Variants in SHC4 observed in about 807,000 individuals in gnomAD.
SHC4 encodes the protein SHC-transforming protein 4.
A neutral mutation model predicts 69.4 loss-of-function variants in SHC4; 41 were observed. That is an observed-to-expected ratio of 0.59 (90% CI 0.46 to 0.77). The LOEUF is 0.77. Among genes scored for constraint, SHC4 ranks in the 30% least tolerant of loss-of-function variants. The pLI, the probability that SHC4 is intolerant of heterozygous loss-of-function variation, is 0.00. For missense variants in SHC4, 777 were observed against 783.8 expected, an observed-to-expected ratio of 0.99 and a Z score of 0.10; for synonymous variants, 318 against 299.3, an observed-to-expected ratio of 1.06 and a Z score of -0.64.
intron 4 of SHC4, among the ~76,000 whole-genome samples, chr15:48,884,017 C>T (rs1456573760): frequency 6.6e-6 from 1 of 152,208 alleles, no homozygotes; most frequent in Non-Finnish European, 1.5e-5. Flanking sequence ...CTTAGTTCTT[C>T]ATTCAAAGCC....
At chr15:48,955,203 A>C (rs564007965) in intron 1 of SHC4, among the ~76,000 whole-genome samples, 1 of 152,286 alleles carries the variant, frequency 6.6e-6, no homozygotes, top group East Asian at 1.9e-4. Flanking sequence ...TTTCCCACAT[A>C]TTCTGAAGGG....
intron 10 of SHC4, among the ~76,000 whole-genome samples, chr15:48,835,976 G>A (rs926673595): frequency 6.0e-5 from 8 of 133,216 alleles, no homozygotes; most frequent in Non-Finnish European, 1.2e-4. Context: ...TCAGGAGTTC[G>A]AGACCAGCCT....
intron 4 of SHC4, chr15:48,878,639 C>A: frequency 6.2e-7 from 1 of 1,614,034 alleles, no homozygotes; most frequent in Non-Finnish European, 8.5e-7. Context: ...TGAGAAGACC[C>A]CGTTTGATCA....
At chr15:48,887,126 T>C (rs1421227308) in intron 3 of SHC4, among the ~76,000 whole-genome samples, 1 of 152,218 alleles carries the variant, frequency 6.6e-6, no homozygotes, top group African/African-American at 2.4e-5. Flanking sequence ...GGAGATCACA[T>C]AAATGAATAA....
chr15:48,844,840 C>T (rs1438675598), intron 9 of SHC4, among the ~76,000 whole-genome samples: 1 of 152,148 alleles, frequency 6.6e-6, no homozygotes, highest in Non-Finnish European at 1.5e-5. Context: ...TGTGCCTTTG[C>T]TTCTCCTTTG....
chr15:48,961,183 C>G (rs1386168709), intron 1 of SHC4, among the ~76,000 whole-genome samples: 4 of 152,172 alleles, frequency 2.6e-5, no homozygotes, highest in African/African-American at 7.2e-5. Flanking sequence ...TAATTTTTCC[C>G]TGCTTCAATC....
intron 10 of SHC4, among the ~76,000 whole-genome samples, chr15:48,836,929 C>A (rs1421123064): frequency 6.6e-6 from 1 of 152,170 alleles, no homozygotes; most frequent in East Asian, 1.9e-4. Context: ...CCAGAAATAG[C>A]CTGACAAAAT....
chr15:48,962,374 G>A, intron 1 of SHC4, 57 bp downstream of exon 1: 1 of 1,491,976 alleles, frequency 6.7e-7, no homozygotes, highest in East Asian at 2.3e-5. Context: ...GCAGAAAGCA[G>A]AGAAGATGCC....
chr15:48,962,470 T>C lies in SHC4; in HGVS notation c.546A>G (p.Leu182=). 1 of 1,531,652 alleles carries C rather than the reference T, an allele frequency of 6.5e-7. No individual in the cohort carries two copies. The allele number at this position is 1,531,652 out of a possible 1,614,324, so 94.9% of individuals were successfully genotyped here. A position where few individuals can be genotyped will look rare whatever the true frequency, so the allele number is the denominator to read the frequency against. ...TCATGCCCATCCCCAACAGGTGCTG[T>C]AGAAAGTGCCTGTCCTGCCTGCTCC... ...TLRSRQDRHF[L]QHLLGMGMNY... Residue 182 remains leucine (L), a synonymous_variant, in exon 1 of 12, where the codon CTA becomes CTG. Transcript: ENST00000332408.
chr15:48,876,670 G>T lies in SHC4; in HGVS notation c.841-4528C>A, dbSNP rs1247609727. ...AGGGCAGGAAGCATCCAACACAGGA[G>T]AAAGATTTAGGCTGGGAGGCTAGGC... is the stretch of plus-strand genomic sequence containing the variant. On this transcript the variant is annotated intron_variant, in intron 4 of 11. Coordinates refer to ENST00000332408, the MANE Select transcript of SHC4 (RefSeq NM_203349.4). The T allele has an allele frequency of 6.3e-6, 4 of 639,856 alleles. No homozygotes were observed. In the East Asian group the frequency reaches 1.1e-4, roughly 18 times the overall value. The allele number at this position is 639,856 out of a possible 1,614,324, so 39.6% of individuals were successfully genotyped here. A position where few individuals can be genotyped will look rare whatever the true frequency, so the allele number is the denominator to read the frequency against.
intron 5 of SHC4, 162 bp downstream of exon 5, chr15:48,871,927 T>C (rs1836112316): frequency 7.5e-6 from 4 of 534,788 alleles, no homozygotes; most frequent in Admixed American, 4.0e-5. Flanking sequence ...TTTTATTATC[T>C]GCTACATGTA....
At chr15:48,958,122 A>C (rs907012813) in intron 1 of SHC4, among the ~76,000 whole-genome samples, 1 of 152,248 alleles carries the variant, frequency 6.6e-6, no homozygotes, top group Non-Finnish European at 1.5e-5. Flanking sequence ...TTGTTACAGA[A>C]GCCCTAGGAA....
Position 48,926,353 on chromosome 15 carries a change from A to T in SHC4, c.586-1404T>A, listed in dbSNP as rs375392410. Among the ~76,000 whole-genome samples the T allele has an allele frequency of 1.1e-4, 17 of 152,186 alleles. No individual in the cohort carries two copies. The East Asian group carries it at 1.5e-3, about 14-fold the overall frequency. On this transcript the variant is annotated intron_variant, in intron 1 of 11. Transcript: ENST00000332408. ...TGCTCCCTGTTTAGCTTTCCTTTGG[A>T]GGCTTTCCAGCCTCTCTATGCTTGG...
intron 2 of SHC4, among the ~76,000 whole-genome samples, chr15:48,894,245 T>G (rs1324531509): frequency 6.6e-6 from 1 of 152,356 alleles, no homozygotes; most frequent in East Asian, 1.9e-4. Flanking sequence ...AAAGAGCTTG[T>G]AAACTATGGC....
chr15:48,942,331 G>A (rs1013277666), intron 1 of SHC4, among the ~76,000 whole-genome samples: 9 of 152,042 alleles, frequency 5.9e-5, no homozygotes, highest in Non-Finnish European at 1.3e-4. Context: ...TAAGCTATTC[G>A]ATCACAAACA....
At chr15:48,950,010 A>G (rs1595767940) in intron 1 of SHC4, among the ~76,000 whole-genome samples, 2 of 142,436 alleles carry the variant, frequency 1.4e-5, no homozygotes, top group Non-Finnish European at 3.0e-5. Flanking sequence ...ATATTATTAA[A>G]ATATTTATTA....
At chr15:48,876,273 G>A (rs901110692) in intron 4 of SHC4, among the ~76,000 whole-genome samples, 2 of 152,152 alleles carry the variant, frequency 1.3e-5, no homozygotes, top group African/African-American at 2.4e-5. Flanking sequence ...AATGAACACT[G>A]GGATTTCTGA....
rs1232344038 is a variant in SHC4 at position 48,824,563 on chromosome 15, T to C, written c.*1408A>G. The stretch of plus-strand genomic sequence containing the variant: ...ACTGAATGGTTTGGAGTCTAAACTA[T>C]GTGAATGTTGATCTCAGGTGTGCCA... On this transcript the variant is annotated 3_prime_UTR_variant, in exon 12 of 12. Coordinates refer to ENST00000332408, the MANE Select transcript of SHC4 (RefSeq NM_203349.4). The C allele has an allele frequency of 6.6e-6, 1 of 152,214 alleles. No individual in the cohort carries two copies. The highest frequency in any genetic ancestry group is 1.5e-5 in the Non-Finnish European group (1 of 68,034). The allele number at this position is 152,214 out of a possible 1,614,324, so 9.4% of individuals were successfully genotyped here. A position where few individuals can be genotyped will look rare whatever the true frequency, so the allele number is the denominator to read the frequency against.
chr15:48,902,202 C>CA (rs35158653), intron 2 of SHC4, among the ~76,000 whole-genome samples: 11,466 of 73,212 alleles, frequency 0.16, 544 homozygotes, highest in Middle Eastern at 0.37. Flanking sequence ...GACTGTGTCT[C>CA]AAAAAAAAAA....
Sources: gnomAD v4.1 joint callset for allele counts (sites outside exome capture counted in the v4.1 genomes callset) on GRCh38, gnomAD v4.1.1 for gene constraint, MANE v1.5 for transcripts, NCBI Gene and HGNC (gene_info 2026-07-23, HGNC 2026-07-21) for gene names.